The following ATP6V1A variants were observed in gnomAD, a reference collection of about 807,000 sequenced individuals.
The protein encoded by ATP6V1A is ATPase H+ transporting V1 subunit A, also known as V-type proton ATPase catalytic subunit A.
Under a neutral mutation model 70.1 loss-of-function variants are expected in ATP6V1A, and 18 were observed. That is an observed-to-expected ratio of 0.26 (90% CI 0.18 to 0.38). ATP6V1A has a LOEUF of 0.38. ATP6V1A is among the 10% of genes least tolerant of loss of function. The pLI is 1.00. For synonymous variants in ATP6V1A, 232 were observed against 253.8 expected, an observed-to-expected ratio of 0.91 and a Z score of 0.82; for missense variants, 424 against 772.4, an observed-to-expected ratio of 0.55 and a Z score of 5.35.
chr3:113,780,915 A>G, intron 2 of ATP6V1A, 135 bp from the exon 3 acceptor site: 1 of 1,340,372 alleles, frequency 7.5e-7, no homozygotes. Context: ...AGTATGTTCC[A>G]TAGTAGGTTT....
At chr3:113,755,420 C>T (rs1323140153) in intron 1 of ATP6V1A, among the ~76,000 whole-genome samples, 1 of 145,940 alleles carries the variant, frequency 6.9e-6, no homozygotes, top group African/African-American at 2.6e-5. Flanking sequence ...CATGGCAAAA[C>T]CATGTCTGTA....
At chr3:113,780,828 G>C (rs1037440566) in intron 2 of ATP6V1A, 8 of 1,329,118 alleles carry the variant, frequency 6.0e-6, no homozygotes, top group Non-Finnish European at 7.9e-6. Flanking sequence ...AAGTTTTCAT[G>C]TATATTATGT....
intron 1 of ATP6V1A, among the ~76,000 whole-genome samples, chr3:113,755,275 G>A (rs1415486019): frequency 1.3e-5 from 2 of 151,946 alleles, no homozygotes; most frequent in Non-Finnish European, 2.9e-5. Context: ...AATAATAGAA[G>A]CGATTGGAAT....
intron 1 of ATP6V1A, among the ~76,000 whole-genome samples, chr3:113,778,059 C>T (rs1370490677): frequency 6.6e-6 from 1 of 152,008 alleles, no homozygotes; most frequent in Non-Finnish European, 1.5e-5. Flanking sequence ...GTGATAAAAC[C>T]ATCCAGCATC....
Position 113,809,608 on chromosome 3 carries a change from T to C in ATP6V1A, c.*181T>C, listed in dbSNP as rs1416534094. 4.0e-6 allele frequency: 2 copies of C among 506,318 alleles called. No individual in the cohort carries two copies. Among genetic ancestry groups the C allele is most frequent in the Non-Finnish European group, 7.2e-6 (2 of 276,884 alleles). The allele number at this position is 506,318 out of a possible 1,614,324, so 31.4% of individuals were successfully genotyped here. A position where few individuals can be genotyped will look rare whatever the true frequency, so the allele number is the denominator to read the frequency against. On this transcript the variant is annotated 3_prime_UTR_variant, in exon 15 of 15. Coordinates refer to ENST00000273398, the MANE Select transcript of ATP6V1A (RefSeq NM_001690.4). ...GTCTTATATAAAACAAACATTCCTT[T>C]GTTCTAGTGTTGTGAAGGGCCTCCC...
At chr3:113,807,027 A>T (rs899228106) in intron 14 of ATP6V1A, among the ~76,000 whole-genome samples, 3 of 152,012 alleles carry the variant, frequency 2.0e-5, no homozygotes, top group Admixed American at 6.5e-5. Flanking sequence ...ATTGAAAGTA[A>T]ACCTGTACAA....
chr3:113,777,832 G>T (rs1708934088), intron 1 of ATP6V1A, among the ~76,000 whole-genome samples: 1 of 152,180 alleles, frequency 6.6e-6, no homozygotes, highest in Non-Finnish European at 1.5e-5. Flanking sequence ...CTGTACAAAG[G>T]CCCTGAGGTA....
intron 2 of ATP6V1A, chr3:113,780,701 A>G: frequency 7.9e-7 from 1 of 1,264,138 alleles, no homozygotes; most frequent in Non-Finnish European, 1.0e-6. Flanking sequence ...TCCAATTTCT[A>G]CTTTTAAAAG....
chr3:113,748,902 G>A (rs1354649676), intron 1 of ATP6V1A, among the ~76,000 whole-genome samples: 1 of 152,062 alleles, frequency 6.6e-6, no homozygotes, highest in African/African-American at 2.4e-5. Context: ...CCATAATAAG[G>A]TTCCTTGATC....
chr3:113,754,972 A>G (rs372972215), intron 1 of ATP6V1A, among the ~76,000 whole-genome samples: 14 of 152,324 alleles, frequency 9.2e-5, no homozygotes, highest in African/African-American at 3.1e-4. Context: ...TTTTTTTCTC[A>G]CATTGGTATT....
intron 1 of ATP6V1A, among the ~76,000 whole-genome samples, chr3:113,762,514 G>A (rs1177060075): frequency 1.3e-5 from 2 of 152,024 alleles, no homozygotes; most frequent in Non-Finnish European, 2.9e-5. Context: ...GTTGCAGTGA[G>A]CCGAGATTGC....
rs770493737 is a variant in ATP6V1A, at chr3:113,786,262, G to A, written c.595G>A (p.Val199Ile). Residue 199 changes from valine (V) to isoleucine (I), a missense_variant, in exon 6 of 15, where the codon GTA becomes ATA. Coordinates refer to ENST00000273398, the MANE Select transcript of ATP6V1A (RefSeq NM_001690.4). ...DVVLELEFEG[V>I]KEKFTMVQVW... The stretch of plus-strand genomic sequence containing the variant: ...TGTCTTGGAGCTTGAATTTGAAGGT[G>A]TAAAGGAGAAGTTCACCATGGTGCA... The A allele has an allele frequency of 4.3e-6, 7 of 1,610,762 alleles. No individual in the cohort carries two copies. Among genetic ancestry groups the A allele is most frequent in the Non-Finnish European group, 5.9e-6 (7 of 1,177,992 alleles).
At position 113,788,980 on chromosome 3, in the gene ATP6V1A, G is replaced by A. The variant is rs140168515; in HGVS notation, c.879+105G>A. On this transcript the variant is annotated intron_variant, in intron 7 of 14. Transcript: ENST00000273398. ...TGGGTCTGGAGCAATGCTGTCATTC[G>A]TCAAGGATCTTTAAGGAATTTTAAA... The A allele has an allele frequency of 1.9e-5, 19 of 985,250 alleles. No homozygotes were observed. The East Asian group carries it at 3.9e-4, about 20-fold the overall frequency. 61.0% of individuals were successfully genotyped at this position (985,250 alleles called of 1,614,324 possible).
chr3:113,768,616 G>A (rs1405532592), intron 1 of ATP6V1A, among the ~76,000 whole-genome samples: 3 of 123,584 alleles, frequency 2.4e-5, no homozygotes, highest in Middle Eastern at 4.9e-3. Context: ...TTTTTTTTGA[G>A]ATGGAGTCTC....
intron 7 of ATP6V1A, 149 bp downstream of exon 7, chr3:113,789,024 C>A: frequency 2.7e-6 from 2 of 741,554 alleles, no homozygotes; most frequent in Non-Finnish European, 2.1e-6. Flanking sequence ...TGTAATTAAT[C>A]TGTATATTCA....
chr3:113,806,754 C>A (rs1016365796), intron 14 of ATP6V1A, among the ~76,000 whole-genome samples: 2 of 152,156 alleles, frequency 1.3e-5, no homozygotes, highest in Non-Finnish European at 2.9e-5. Flanking sequence ...GCCACCGCAT[C>A]CAGCCATTTT....
At chr3:113,770,958 G>A (rs1223069226) in intron 1 of ATP6V1A, among the ~76,000 whole-genome samples, 1 of 151,914 alleles carries the variant, frequency 6.6e-6, no homozygotes, top group African/African-American at 2.4e-5. Context: ...AGCTGGGTGT[G>A]GGGGCGCATG....
chr3:113,771,170 GTTTGT>G (rs200069899), intron 1 of ATP6V1A, among the ~76,000 whole-genome samples: 1,605 of 152,110 alleles, frequency 0.011, 31 homozygotes, highest in Admixed American at 0.036. Context: ...TGTTCTAGGA[GTTTGT>G]TTTAACATTT....
At chr3:113,758,914 C>T (rs1333222141) in intron 1 of ATP6V1A, among the ~76,000 whole-genome samples, 1 of 152,154 alleles carries the variant, frequency 6.6e-6, no homozygotes, top group Non-Finnish European at 1.5e-5. Flanking sequence ...TTGCATTTTC[C>T]TAGTGACTAA....
Sources: gnomAD v4.1 joint callset for allele counts (sites outside exome capture counted in the v4.1 genomes callset) on GRCh38, gnomAD v4.1.1 for gene constraint, MANE v1.5 for transcripts, NCBI Gene and HGNC (gene_info 2026-07-23, HGNC 2026-07-21) for gene names.